Variants in SMYD3 observed in about 807,000 individuals in gnomAD.
SMYD3 encodes histone-lysine N-methyltransferase SMYD3.
Under a neutral mutation model 57.7 loss-of-function variants are expected in SMYD3, and 36 were observed. That is an observed-to-expected ratio of 0.62 (90% CI 0.48 to 0.82). SMYD3 has a LOEUF of 0.82. SMYD3 is among the 40% of genes least tolerant of loss of function. The pLI is 0.00. For synonymous variants in SMYD3, 211 were observed against 195.0 expected (o/e 1.08, Z -0.68); for missense variants, 515 against 538.8 (o/e 0.96, Z 0.44).
intron 1 of SMYD3, among the ~76,000 whole-genome samples, chr1:246,397,966 G>GAACAAC (rs138419781): frequency 6.7e-6 from 1 of 150,012 alleles, no homozygotes. Flanking sequence ...AGGGGAGAAA[G>GAACAAC]AACAACAACA....
chr1:246,155,813 C>T (rs910328158), intron 5 of SMYD3, among the ~76,000 whole-genome samples: 4 of 151,960 alleles, frequency 2.6e-5, no homozygotes, highest in African/African-American at 9.7e-5. Context: ...AATCCCATCT[C>T]TACTAAAAAT....
intron 5 of SMYD3, among the ~76,000 whole-genome samples, chr1:246,056,345 G>A (rs995878619): frequency 4.6e-5 from 7 of 152,060 alleles, no homozygotes; most frequent in African/African-American, 1.7e-4. Context: ...AGGGAGTGCG[G>A]GCAGGGGGAC....
intron 10 of SMYD3, among the ~76,000 whole-genome samples, chr1:245,836,712 C>T (rs958485344): frequency 6.6e-6 from 1 of 152,164 alleles, no homozygotes; most frequent in Non-Finnish European, 1.5e-5. Flanking sequence ...TCACTGGCAG[C>T]AGGGGACTGG....
chr1:245,859,010 G>T (rs937134528), intron 9 of SMYD3, among the ~76,000 whole-genome samples: 2 of 151,902 alleles, frequency 1.3e-5, no homozygotes, highest in Non-Finnish European at 2.9e-5. Flanking sequence ...TTGGACTAAA[G>T]ATTAAGTTAA....
chr1:245,824,457 C>G (rs2049354956), intron 10 of SMYD3, among the ~76,000 whole-genome samples: 1 of 152,232 alleles, frequency 6.6e-6, no homozygotes, highest in Admixed American at 6.5e-5. Context: ...TGGCTCACGC[C>G]TGTAATCCCA....
At chr1:246,445,081 T>C (rs2067532784) in intron 1 of SMYD3, among the ~76,000 whole-genome samples, 1 of 152,244 alleles carries the variant, frequency 6.6e-6, no homozygotes, top group Non-Finnish European at 1.5e-5. Context: ...TAAGTATCTG[T>C]ACTTCACTGA....
intron 1 of SMYD3, among the ~76,000 whole-genome samples, chr1:246,479,486 T>C (rs1440130513): frequency 1.3e-5 from 2 of 150,334 alleles, no homozygotes; most frequent in Non-Finnish European, 2.9e-5. Flanking sequence ...GTGTTTGGCA[T>C]GTGTCAAAAA....
At chr1:246,424,969 A>G (rs2067197677) in intron 1 of SMYD3, among the ~76,000 whole-genome samples, 1 of 152,220 alleles carries the variant, frequency 6.6e-6, no homozygotes, top group Non-Finnish European at 1.5e-5. Flanking sequence ...AATAGTAATC[A>G]AGTACTAACT....
rs115296588 is a variant in SMYD3 at position 246,203,850 on chromosome 1, C to T, written c.531+123351G>A. On this transcript the variant is annotated intron_variant, in intron 5 of 11. Coordinates refer to ENST00000490107, the MANE Select transcript of SMYD3 (RefSeq NM_001167740.2). The surrounding 1 kb of genome is among the most constrained non-coding windows in gnomAD (Gnocchi z 4.6). ...ATCTTTTTCATATTTAATGCACCAA[C>T]AACCCACTCCTAGTCCAGATCTTCC... 1.3e-5 allele frequency among the ~76,000 whole-genome samples: 2 copies of T among 152,302 alleles called. No individual in the cohort carries two copies. The highest frequency in any genetic ancestry group is 4.1e-4 in the South Asian group (2 of 4,828).
At chr1:246,311,151 ACCTT>A (rs1392498162) in intron 5 of SMYD3, among the ~76,000 whole-genome samples, 1 of 152,190 alleles carries the variant, frequency 6.6e-6, no homozygotes, top group Non-Finnish European at 1.5e-5. Context: ...GCAAGTTTAA[ACCTT>A]CCTTGTCATG....
chr1:246,036,534 T>TTA (rs2148279762), intron 5 of SMYD3, among the ~76,000 whole-genome samples: 1 of 98,338 alleles, frequency 1.0e-5, no homozygotes, highest in East Asian at 2.3e-3. Context: ...TACTCTTCTT[T>TTA]CTCTCTTTTT....
At chr1:245,784,760 T>A (rs571087662) in intron 10 of SMYD3, among the ~76,000 whole-genome samples, 5 of 152,098 alleles carry the variant, frequency 3.3e-5, no homozygotes, top group Non-Finnish European at 7.3e-5. Context: ...GGAAGTCGCA[T>A]TGATTCACTT....
chr1:246,398,235 T>C (rs543275319), intron 1 of SMYD3, among the ~76,000 whole-genome samples: 1 of 152,346 alleles, frequency 6.6e-6, no homozygotes, highest in South Asian at 2.1e-4. Context: ...TCATTAATTT[T>C]ACAAAGGCAG....
chr1:246,462,933 G>A (rs944053349), intron 1 of SMYD3, among the ~76,000 whole-genome samples: 1 of 152,266 alleles, frequency 6.6e-6, no homozygotes, highest in African/African-American at 2.4e-5. Flanking sequence ...GGCTGTGGCA[G>A]GGATGACATC....
rs2050489911 is a variant in SMYD3 at position 245,843,222 on chromosome 1, C to T, written c.1076+15274G>A. Among the ~76,000 whole-genome samples the T allele has an allele frequency of 3.3e-5, 5 of 152,084 alleles. No individual in the cohort carries two copies. In the South Asian group the frequency reaches 1.0e-3, roughly 32 times the overall value. ...GAAGAAAGCAACACAGGCCAGGGAT[C>T]ACACACTTACGAGCCCACTGGGGTA... On this transcript the variant is annotated intron_variant, in intron 10 of 11. Coordinates refer to ENST00000490107, the MANE Select transcript of SMYD3 (RefSeq NM_001167740.2).
At chr1:245,996,519 G>A (rs1414961164) in intron 5 of SMYD3, among the ~76,000 whole-genome samples, 3 of 152,132 alleles carry the variant, frequency 2.0e-5, no homozygotes, top group Non-Finnish European at 2.9e-5. Context: ...ATTAGGCCAG[G>A]ACCACATCTA....
At chr1:246,389,893 T>C (rs1291336869) in intron 1 of SMYD3, among the ~76,000 whole-genome samples, 2 of 152,036 alleles carry the variant, frequency 1.3e-5, no homozygotes, top group Non-Finnish European at 2.9e-5. Context: ...CCTCCTTGCC[T>C]CAGGCTGCTT....
At chr1:246,180,818 G>C (rs926149364) in intron 5 of SMYD3, among the ~76,000 whole-genome samples, 2 of 126,460 alleles carry the variant, frequency 1.6e-5, no homozygotes, top group East Asian at 2.5e-4. Context: ...GGGCAGAAGA[G>C]AATGGGTAAT....
intron 5 of SMYD3, among the ~76,000 whole-genome samples, chr1:246,107,113 C>T (rs1346569964): frequency 1.4e-5 from 2 of 142,798 alleles, no homozygotes; most frequent in African/African-American, 5.4e-5. Context: ...CGGTGAAACC[C>T]CGTCTCTACT....
Sources: gnomAD v4.1 joint callset for allele counts (sites outside exome capture counted in the v4.1 genomes callset) on GRCh38, gnomAD v4.1.1 for gene constraint, Gnocchi (gnomAD v3.1) non-coding constraint, MANE v1.5 for transcripts, NCBI Gene and HGNC (gene_info 2026-07-23, HGNC 2026-07-21) for gene names.